Variants in SUPT3H observed in about 807,000 individuals in gnomAD.
SUPT3H encodes the protein transcription initiation protein SPT3 homolog.
In SUPT3H, 44 loss-of-function variants were observed where a neutral mutation model predicts 44.3. The observed-to-expected ratio is 0.99, with a 90% confidence interval of 0.78 to 1.28. The LOEUF is 1.28. Among genes scored for constraint, SUPT3H ranks in the 50% most tolerant of loss-of-function variants. The pLI, the probability that SUPT3H is intolerant of heterozygous loss-of-function variation, is 0.00. For missense variants in SUPT3H, 380 were observed against 387.1 expected (o/e 0.98, Z 0.15); for synonymous variants, 124 against 125.6 (o/e 0.99, Z 0.09).
chr6:44,895,254 GT>G (rs60637782), intron 10 of SUPT3H, among the ~76,000 whole-genome samples: 8,326 of 119,148 alleles, frequency 0.07, 391 homozygotes, highest in African/African-American at 0.15. Context: ...ACTTAGTCTT[GT>G]TTTTTTTTTT....
chr6:45,235,724 G>C (rs984644431), intron 2 of SUPT3H, among the ~76,000 whole-genome samples: 1 of 152,142 alleles, frequency 6.6e-6, no homozygotes, highest in Non-Finnish European at 1.5e-5. Flanking sequence ...AGGCAGATTA[G>C]GAGTGTGCTG....
chr6:45,063,305 A>G (rs1792529846), intron 3 of SUPT3H, among the ~76,000 whole-genome samples: 1 of 149,964 alleles, frequency 6.7e-6, no homozygotes, highest in Non-Finnish European at 1.5e-5. Context: ...CCGAAAACCC[A>G]TCTGTACATC....
chr6:45,212,763 G>C (rs1387869676), intron 2 of SUPT3H, among the ~76,000 whole-genome samples: 1 of 151,930 alleles, frequency 6.6e-6, no homozygotes, highest in African/African-American at 2.4e-5. Flanking sequence ...CAGTTCTTAG[G>C]ACATCATTCA....
At chr6:44,948,292 A>G (rs1773676849) in intron 9 of SUPT3H, among the ~76,000 whole-genome samples, 1 of 152,228 alleles carries the variant, frequency 6.6e-6, no homozygotes, top group Non-Finnish European at 1.5e-5. Context: ...AAACCCTAGA[A>G]GAAAACCTAG....
intron 3 of SUPT3H, among the ~76,000 whole-genome samples, chr6:45,092,144 A>C (rs148302884): frequency 2.4e-4 from 36 of 152,142 alleles, no homozygotes; most frequent in Middle Eastern, 3.4e-3. Flanking sequence ...GCTGTTTCTT[A>C]TCAGCATCTG....
chr6:45,069,206 T>A (rs1793979287), intron 3 of SUPT3H, among the ~76,000 whole-genome samples: 1 of 152,150 alleles, frequency 6.6e-6, no homozygotes, highest in Non-Finnish European at 1.5e-5. Context: ...GATAACAGAT[T>A]GTAAATACCA....
chr6:45,220,816 G>A (rs988749888), intron 2 of SUPT3H, among the ~76,000 whole-genome samples: 2 of 152,094 alleles, frequency 1.3e-5, no homozygotes, highest in Non-Finnish European at 2.9e-5. Flanking sequence ...ATAGTGTGGC[G>A]ATTCCTCAAG....
In SUPT3H at chr6:44,847,721, C is replaced by T. The variant is rs113011614; in HGVS notation, c.913-17864G>A. 4.4e-3 allele frequency among the ~76,000 whole-genome samples: 673 copies of T among 152,120 alleles called. 8 individuals carry two copies. The highest frequency in any genetic ancestry group is 0.015 in the African/African-American group (635 of 41,508). ...CAGGCTGGTCTCGAACTCCTGACCT[C>T]GGGTGATCCACCTGCCTTGGCCTCC... On this transcript the variant is annotated intron_variant, in intron 10 of 10. Transcript: ENST00000371459.
chr6:45,160,674 G>C (rs1808799375), intron 2 of SUPT3H, among the ~76,000 whole-genome samples: 1 of 151,430 alleles, frequency 6.6e-6, no homozygotes, highest in Admixed American at 6.6e-5. Flanking sequence ...AAAAAGTAAA[G>C]TACAAAGGAA....
chr6:45,127,087 G>A (rs190525992), intron 2 of SUPT3H, among the ~76,000 whole-genome samples: 2 of 152,096 alleles, frequency 1.3e-5, no homozygotes, highest in African/African-American at 4.8e-5. Flanking sequence ...AGGCCAAGAC[G>A]GGCAGATCAT....
At chr6:44,830,544 T>C (rs1768474913) in intron 10 of SUPT3H, among the ~76,000 whole-genome samples, 1 of 152,098 alleles carries the variant, frequency 6.6e-6, no homozygotes, top group Non-Finnish European at 1.5e-5. Context: ...GAAAGAAAAG[T>C]TGCATGCTTT....
At chr6:44,983,717 A>C (rs1225055344) in intron 6 of SUPT3H, among the ~76,000 whole-genome samples, 2 of 152,212 alleles carry the variant, frequency 1.3e-5, no homozygotes, top group East Asian at 3.8e-4. Context: ...ATATTTGCTT[A>C]AGTAATATAG....
In SUPT3H at chr6:44,870,929, G is replaced by A. The variant is rs537916152; in HGVS notation, c.913-41072C>T. Among the ~76,000 whole-genome samples, 12 of 151,686 alleles carry A rather than the reference G, an allele frequency of 7.9e-5. No homozygotes were observed. The South Asian group carries it at 2.1e-3, about 27-fold the overall frequency. ...CGGGTCACTCCCACCCGAATATTGC[G>A]CTTTTCAGACCGGCTTAAAAAACGG... On this transcript the variant is annotated intron_variant, in intron 10 of 10. Coordinates refer to ENST00000371459, the MANE Select transcript of SUPT3H (RefSeq NM_003599.4).
chr6:45,257,936 C>T (rs1282997925), intron 2 of SUPT3H, among the ~76,000 whole-genome samples: 1 of 152,172 alleles, frequency 6.6e-6, no homozygotes, highest in Non-Finnish European at 1.5e-5. Context: ...AAACAAAAAA[C>T]ATCATTCTAT....
chr6:44,934,529 C>T (rs1771107168), intron 9 of SUPT3H, among the ~76,000 whole-genome samples: 1 of 152,100 alleles, frequency 6.6e-6, no homozygotes, highest in Non-Finnish European at 1.5e-5. Flanking sequence ...CTTTGTGTTC[C>T]CCTAAAATTT....
At chr6:45,356,003 G>A (rs544513063) in intron 2 of SUPT3H, among the ~76,000 whole-genome samples, 1 of 152,214 alleles carries the variant, frequency 6.6e-6, no homozygotes, top group South Asian at 2.1e-4. Flanking sequence ...TACTAGCCAT[G>A]GCAAAAACTG....
chr6:45,114,871 A>G (rs984251468), intron 2 of SUPT3H, among the ~76,000 whole-genome samples: 5 of 152,192 alleles, frequency 3.3e-5, no homozygotes, highest in African/African-American at 1.2e-4. Flanking sequence ...TGAAAAATGA[A>G]AGCCCAAGAG....
chr6:45,074,649 A>G (rs1376644569), intron 3 of SUPT3H, among the ~76,000 whole-genome samples: 2 of 152,082 alleles, frequency 1.3e-5, no homozygotes, highest in African/African-American at 4.8e-5. Context: ...CTATGGTAAT[A>G]GAAACCACTG....
chr6:45,291,790 T>A (rs981108289), intron 2 of SUPT3H, among the ~76,000 whole-genome samples: 1 of 152,198 alleles, frequency 6.6e-6, no homozygotes, highest in African/African-American at 2.4e-5. Flanking sequence ...TCTGGGCTTA[T>A]GTTAAACAAC....
Sources: gnomAD v4.1 joint callset for allele counts (sites outside exome capture counted in the v4.1 genomes callset) on GRCh38, gnomAD v4.1.1 for gene constraint, MANE v1.5 for transcripts, NCBI Gene and HGNC (gene_info 2026-07-23, HGNC 2026-07-21) for gene names.